HAPLN1: variants seen among roughly 807,000 people sequenced by gnomAD.
HAPLN1 encodes hyaluronan and proteoglycan link protein 1.
A neutral mutation model predicts 36.5 loss-of-function variants in HAPLN1; 13 were observed. The observed-to-expected ratio is 0.36, with a 90% CI of 0.23 to 0.57. The LOEUF (loss-of-function observed/expected upper bound fraction) is 0.57. HAPLN1 is among the 20% of genes least tolerant of loss of function. HAPLN1 has a pLI of 0.83. For synonymous variants in HAPLN1, 202 were observed against 169.8 expected (o/e 1.19, Z -1.48); for missense variants, 407 against 439.7 (o/e 0.93, Z 0.66).
intron 1 of HAPLN1, among the ~76,000 whole-genome samples, chr5:83,685,250 A>T (rs191000423): frequency 3.5e-4 from 54 of 152,304 alleles, no homozygotes; most frequent in African/African-American, 1.3e-3. Flanking sequence ...GGAGGGTAGA[A>T]ACTATGTTTA....
At chr5:83,688,043 C>G (rs1367108895) in intron 1 of HAPLN1, among the ~76,000 whole-genome samples, 1 of 152,112 alleles carries the variant, frequency 6.6e-6, no homozygotes, top group African/African-American at 2.4e-5. Context: ...TTTGTCTTTT[C>G]TCTTTTTAGA....
At chr5:83,671,078 T>G (rs1036993001) in intron 2 of HAPLN1, among the ~76,000 whole-genome samples, 1 of 152,128 alleles carries the variant, frequency 6.6e-6, no homozygotes, top group African/African-American at 2.4e-5. Flanking sequence ...AACAAAATTA[T>G]GAGGAGGCTT....
intron 2 of HAPLN1, among the ~76,000 whole-genome samples, chr5:83,656,853 C>T (rs1561304534): frequency 6.6e-6 from 1 of 152,058 alleles, no homozygotes; most frequent in Non-Finnish European, 1.5e-5. Context: ...ATAATAAAAG[C>T]AATGGCATGA....
At chr5:83,646,354 A>C (rs945290418) in intron 3 of HAPLN1, among the ~76,000 whole-genome samples, 6 of 152,262 alleles carry the variant, frequency 3.9e-5, no homozygotes, top group Non-Finnish European at 7.3e-5. Context: ...GAGTTATAGC[A>C]CATGTGCTAT....
chr5:83,716,838 C>T (rs960327092), intron 1 of HAPLN1, among the ~76,000 whole-genome samples: 3 of 152,148 alleles, frequency 2.0e-5, no homozygotes, highest in African/African-American at 7.2e-5. Flanking sequence ...TCGAGACCAA[C>T]CTGGCCAACA....
At chr5:83,655,669 A>G (rs950771659) in intron 2 of HAPLN1, among the ~76,000 whole-genome samples, 1 of 152,072 alleles carries the variant, frequency 6.6e-6, no homozygotes. Context: ...GGCCTTGAGA[A>G]TAATGTTTTT....
At chr5:83,718,459 A>G (rs1751960754) in intron 1 of HAPLN1, among the ~76,000 whole-genome samples, 1 of 152,182 alleles carries the variant, frequency 6.6e-6, no homozygotes, top group South Asian at 2.1e-4. Context: ...CAGTGTAAAT[A>G]AAGAGATGCA....
In HAPLN1 at chr5:83,673,540, A is replaced by G. The variant is rs1432950083; in HGVS notation, c.-17T>C. On this transcript the variant is annotated 5_prime_UTR_variant, in exon 2 of 5. Transcript: ENST00000274341. The stretch of plus-strand genomic sequence containing the variant: ...ACTCTTCATCTTTATAGCCCAAAGA[A>G]TCTTCTTCACTGCGAGAGCATCACA... 2.3e-5 allele frequency: 37 copies of G among 1,576,556 alleles called. No homozygotes were observed. The highest frequency in any genetic ancestry group is 3.2e-5 in the Non-Finnish European group (37 of 1,146,250).
At chr5:83,688,361 C>T (rs1171618812) in intron 1 of HAPLN1, among the ~76,000 whole-genome samples, 1 of 152,170 alleles carries the variant, frequency 6.6e-6, no homozygotes, top group Non-Finnish European at 1.5e-5. Flanking sequence ...GATGTAGCAG[C>T]AGAGCTCCTG....
At chr5:83,711,858 G>C (rs866301136) in intron 1 of HAPLN1, among the ~76,000 whole-genome samples, 2 of 152,134 alleles carry the variant, frequency 1.3e-5, no homozygotes, top group Non-Finnish European at 2.9e-5. Context: ...TTCTGGAAAT[G>C]TTAAGTTCAT....
intron 2 of HAPLN1, among the ~76,000 whole-genome samples, chr5:83,664,862 C>T (rs1750511548): frequency 6.6e-6 from 1 of 152,082 alleles, no homozygotes; most frequent in African/African-American, 2.4e-5. Flanking sequence ...TTACCATATG[C>T]ATCTTTTAGA....
intron 2 of HAPLN1, among the ~76,000 whole-genome samples, chr5:83,667,414 G>A (rs190747948): frequency 6.6e-6 from 1 of 152,024 alleles, no homozygotes; most frequent in East Asian, 1.9e-4. Flanking sequence ...TTCCACGATG[G>A]AATTCTCTGA....
At chr5:83,712,212 C>A (rs1327890074) in intron 1 of HAPLN1, among the ~76,000 whole-genome samples, 2 of 152,086 alleles carry the variant, frequency 1.3e-5, no homozygotes, top group Non-Finnish European at 2.9e-5. Flanking sequence ...CACAATATAA[C>A]ATGTAATTAA....
At chr5:83,712,445 T>C (rs888006753) in intron 1 of HAPLN1, among the ~76,000 whole-genome samples, 1 of 152,168 alleles carries the variant, frequency 6.6e-6, no homozygotes, top group Admixed American at 6.5e-5. Context: ...TGAATATACA[T>C]TGATGGCATT....
chr5:83,707,546 G>A (rs1751680853), intron 1 of HAPLN1, among the ~76,000 whole-genome samples: 1 of 152,136 alleles, frequency 6.6e-6, no homozygotes, highest in African/African-American at 2.4e-5. Context: ...GAAGATTGAA[G>A]CTGGATCTCT....
At chr5:83,667,917 T>C (rs572918266) in intron 2 of HAPLN1, among the ~76,000 whole-genome samples, 3 of 152,328 alleles carry the variant, frequency 2.0e-5, no homozygotes, top group African/African-American at 4.8e-5. Context: ...TGCTGCATGT[T>C]ATGTGGGAGC....
chr5:83,652,423 A>T, intron 3 of HAPLN1, 30 bp downstream of exon 3: 1 of 1,582,498 alleles, frequency 6.3e-7, no homozygotes, highest in East Asian at 2.2e-5. Flanking sequence ...ATGACCATTT[A>T]TACGTTGAAC....
At chr5:83,651,797 G>C (rs773960050) in intron 3 of HAPLN1, among the ~76,000 whole-genome samples, 27 of 152,306 alleles carry the variant, frequency 1.8e-4, no homozygotes, top group Admixed American at 5.2e-4. Flanking sequence ...ATTGGGCAGA[G>C]GGGAGGCAAG....
intron 2 of HAPLN1, among the ~76,000 whole-genome samples, chr5:83,659,893 T>C (rs886400853): frequency 1.3e-5 from 2 of 152,000 alleles, no homozygotes; most frequent in African/African-American, 4.8e-5. Context: ...ATAGGATAAG[T>C]GGAGATCTTT....
Sources: gnomAD v4.1 joint callset for allele counts (sites outside exome capture counted in the v4.1 genomes callset) on GRCh38, gnomAD v4.1.1 for gene constraint, MANE v1.5 for transcripts, NCBI Gene and HGNC (gene_info 2026-07-23, HGNC 2026-07-21) for gene names.